The following EBF1 variants were observed in gnomAD, a reference collection of about 807,000 sequenced individuals.
EBF1 encodes the protein transcription factor COE1.
In EBF1, 10 loss-of-function variants were observed where a neutral mutation model predicts 68.4. That is an observed-to-expected ratio of 0.15 (90% CI 0.09 to 0.25). EBF1 has a LOEUF of 0.25. EBF1 is among the 10% of genes least tolerant of loss of function. The probability of loss-of-function intolerance (pLI) is 1.00; values close to 1 mark genes in which losing one functional copy is unlikely to be tolerated. For missense variants in EBF1, 509 were observed against 794.4 expected (o/e 0.64, Z 4.32); for synonymous variants, 298 against 299.8 (o/e 0.99, Z 0.06).
chr5:158,728,720 T>C (rs1763484154), intron 11 of EBF1, among the ~76,000 whole-genome samples: 1 of 152,114 alleles, frequency 6.6e-6, no homozygotes, highest in Non-Finnish European at 1.5e-5. Flanking sequence ...CACACCACCA[T>C]GCCTAGCTAA....
At chr5:158,840,682 T>G (rs1185844909) in intron 6 of EBF1, among the ~76,000 whole-genome samples, 3 of 106,936 alleles carry the variant, frequency 2.8e-5, no homozygotes, top group African/African-American at 1.0e-4. Flanking sequence ...TGTTTTTTTT[T>G]TTTTTTTGAG....
intron 6 of EBF1, among the ~76,000 whole-genome samples, chr5:158,855,433 G>A (rs991295473): frequency 1.3e-5 from 2 of 152,198 alleles, no homozygotes; most frequent in Non-Finnish European, 1.5e-5. Flanking sequence ...CAGCTGATTA[G>A]TGGCAGCCTC....
intron 6 of EBF1, among the ~76,000 whole-genome samples, chr5:159,003,832 A>C (rs563753477): frequency 2.0e-5 from 3 of 152,346 alleles, no homozygotes; most frequent in African/African-American, 7.2e-5. Flanking sequence ...CTAAGATTAC[A>C]CAAGTGGCTC....
intron 6 of EBF1, among the ~76,000 whole-genome samples, chr5:159,020,262 G>A (rs531035289): frequency 3.9e-5 from 6 of 152,228 alleles, no homozygotes; most frequent in Non-Finnish European, 5.9e-5. Flanking sequence ...TGAGTTCCTT[G>A]AATTCGGTGC....
At chr5:158,753,394 G>T (rs1769354759) in intron 10 of EBF1, among the ~76,000 whole-genome samples, 1 of 152,026 alleles carries the variant, frequency 6.6e-6, no homozygotes. Context: ...CAAAACACAA[G>T]AATTTATAAA....
chr5:158,755,732 T>C (rs1000838970), intron 10 of EBF1, among the ~76,000 whole-genome samples: 12 of 152,072 alleles, frequency 7.9e-5, no homozygotes, highest in African/African-American at 2.9e-4. Context: ...CTTGGTACAA[T>C]GCCCTTGGAG....
chr5:158,832,472 G>A (rs1432593116), intron 7 of EBF1, among the ~76,000 whole-genome samples: 1 of 152,216 alleles, frequency 6.6e-6, no homozygotes, highest in Non-Finnish European at 1.5e-5. Flanking sequence ...TCAGCATGGA[G>A]CCTCTTGAAA....
intron 1 of EBF1, chr5:159,097,413 T>C: frequency 2.1e-6 from 1 of 476,958 alleles, no homozygotes; most frequent in South Asian, 3.0e-5. Context: ...TGAAACTCTA[T>C]AAGCATTTAC....
intron 6 of EBF1, among the ~76,000 whole-genome samples, chr5:158,872,996 ATTTTTTTTTTT>A (rs539493620): frequency 1.2e-5 from 1 of 81,104 alleles, no homozygotes; most frequent in Non-Finnish European, 2.3e-5. Context: ...AATGACACTA[ATTTTTTTTTTT>A]TTTTTTTTTT....
chr5:159,012,605 G>C (rs1764894424), intron 6 of EBF1, among the ~76,000 whole-genome samples: 1 of 151,974 alleles, frequency 6.6e-6, no homozygotes, highest in Non-Finnish European at 1.5e-5. Flanking sequence ...TCTCACTTCA[G>C]CCTCCTGAGT....
intron 6 of EBF1, among the ~76,000 whole-genome samples, chr5:158,894,553 T>C (rs1801811268): frequency 6.6e-6 from 1 of 152,164 alleles, no homozygotes; most frequent in African/African-American, 2.4e-5. Context: ...AGGTCCCAAT[T>C]ACTTGCGGCA....
chr5:159,095,510 T>C (rs1484071620), intron 4 of EBF1, 110 bp downstream of exon 4: 14 of 1,310,872 alleles, frequency 1.1e-5, no homozygotes, highest in Non-Finnish European at 1.5e-5. Context: ...CCGCCCCCGC[T>C]GGCTTTTAGA....
At chr5:158,819,605 G>C (rs992642801) in intron 8 of EBF1, among the ~76,000 whole-genome samples, 1 of 152,192 alleles carries the variant, frequency 6.6e-6, no homozygotes, top group Non-Finnish European at 1.5e-5. Context: ...ATGACTGGAA[G>C]ACAAGGCAAG....
At chr5:158,761,362 C>T (rs936573353) in intron 10 of EBF1, among the ~76,000 whole-genome samples, 2 of 152,218 alleles carry the variant, frequency 1.3e-5, no homozygotes, top group Admixed American at 6.5e-5. Context: ...ACATTAGCAG[C>T]GCCTACACTC....
In EBF1 at chr5:158,971,678, C is replaced by T. The variant is rs553877660; in HGVS notation, c.554+101718G>A. 2.6e-5 allele frequency among the ~76,000 whole-genome samples: 4 copies of T among 152,228 alleles called. No homozygotes were observed. The East Asian group carries it at 5.8e-4, about 22-fold the overall frequency. On this transcript the variant is annotated intron_variant, in intron 6 of 15. Transcript: ENST00000313708. ...GATGACCAAAAGACCACAGGAAAAACATCACAAGCAGTCCCAAAGCATGAA... is the reference window on the plus strand; with the variant it reads ...GATGACCAAAAGACCACAGGAAAAATATCACAAGCAGTCCCAAAGCATGAA...
chr5:158,749,349 A>G (rs985980837), intron 10 of EBF1, among the ~76,000 whole-genome samples: 1 of 152,176 alleles, frequency 6.6e-6, no homozygotes, highest in Non-Finnish European at 1.5e-5. Context: ...ATGCAATGCC[A>G]TCTCTTTAGA....
chr5:159,047,483 G>T (rs1221155021), intron 6 of EBF1, among the ~76,000 whole-genome samples: 17 of 152,136 alleles, frequency 1.1e-4, no homozygotes, highest in Non-Finnish European at 5.9e-5. Flanking sequence ...GTGGCGCAAA[G>T]GGGACAGAGC....
intron 8 of EBF1, among the ~76,000 whole-genome samples, chr5:158,797,563 A>C (rs1406384890): frequency 1.3e-5 from 2 of 152,194 alleles, no homozygotes; most frequent in Non-Finnish European, 2.9e-5. Flanking sequence ...GTTAATTTTA[A>C]CGGGAAAAAA....
chr5:158,711,249 G>A (rs549347051), intron 14 of EBF1, among the ~76,000 whole-genome samples: 1 of 152,108 alleles, frequency 6.6e-6, no homozygotes, highest in South Asian at 2.1e-4. Context: ...GTTCACCAGA[G>A]GAATGTCTTA....
Sources: allele counts gnomAD v4.1 joint callset (sites outside exome capture counted in the v4.1 genomes callset), GRCh38; gene constraint gnomAD v4.1.1; transcripts MANE v1.5; gene names NCBI Gene and HGNC (gene_info 2026-07-23, HGNC 2026-07-21).